Variants in MED4 observed in about 807,000 individuals in gnomAD.
MED4 encodes mediator of RNA polymerase II transcription subunit 4.
In MED4, 21 loss-of-function variants were observed where a neutral mutation model predicts 35.0. The observed-to-expected ratio is 0.60, with a 90% CI of 0.43 to 0.86. The LOEUF is 0.86. Ranked by LOEUF, MED4 falls within the 40% of genes least tolerant of loss-of-function variation. MED4 has a pLI of 0.00. For synonymous variants in MED4, 138 were observed against 114.0 expected (o/e 1.21, Z -1.34); for missense variants, 300 against 319.4 (o/e 0.94, Z 0.46).
chr13:48,081,497 C>T (rs1346064339), intron 5 of MED4, 148 bp downstream of exon 5: 6 of 452,984 alleles, frequency 1.3e-5, no homozygotes, highest in Non-Finnish European at 2.2e-5. Context: ...TGGCCTATAT[C>T]ATTACTTATA....
intron 1 of MED4, among the ~76,000 whole-genome samples, chr13:48,091,733 G>T (rs1209047884): frequency 2.0e-5 from 3 of 152,184 alleles, no homozygotes; most frequent in Admixed American, 2.0e-4. Flanking sequence ...TAATACAAGA[G>T]ACAAGAAGAA....
intron 2 of MED4, among the ~76,000 whole-genome samples, chr13:48,088,247 CA>C: frequency 6.6e-6 from 1 of 152,260 alleles, no homozygotes. Flanking sequence ...AAATATCTAT[CA>C]AAATTCAGAA....
intron 6 of MED4, 147 bp downstream of exon 6, chr13:48,079,697 T>C (rs1037844230): frequency 3.4e-6 from 3 of 893,454 alleles, no homozygotes; most frequent in African/African-American, 3.4e-5. Flanking sequence ...CGCTCCAGCC[T>C]GGGTGACATA....
intron 6 of MED4, among the ~76,000 whole-genome samples, chr13:48,078,304 C>T (rs1950777156): frequency 6.6e-6 from 1 of 152,162 alleles, no homozygotes; most frequent in Admixed American, 6.5e-5. Context: ...TTGCCAGCTG[C>T]CACAATTAAG....
At chr13:48,077,407 T>A (rs894842332) in intron 6 of MED4, 96 bp from the exon 7 acceptor site, 30 of 1,098,462 alleles carry the variant, frequency 2.7e-5, no homozygotes, top group African/African-American at 1.0e-4. Flanking sequence ...GTATTTTTTT[T>A]AATTTTACTT....
chr13:48,088,502 A>G (rs555147054), intron 2 of MED4, among the ~76,000 whole-genome samples: 18 of 152,316 alleles, frequency 1.2e-4, no homozygotes, highest in African/African-American at 4.1e-4. Context: ...TTCCTCCCAC[A>G]TCGTAGGAGA....
Position 48,076,666 on chromosome 13 carries a change from G to C in MED4, c.*473C>G, listed in dbSNP as rs534505202. Reference sequence around the variant, plus strand: ...TTCCCATGCCTCCAACAGAAGCCAAGAGCCTTTACTGTCAAATGGCAGTTT... The same window carrying C: ...TTCCCATGCCTCCAACAGAAGCCAACAGCCTTTACTGTCAAATGGCAGTTT... On this transcript the variant is annotated 3_prime_UTR_variant, in exon 7 of 7. Coordinates refer to ENST00000258648, the MANE Select transcript of MED4 (RefSeq NM_014166.4). The C allele has an allele frequency of 6.6e-6, 1 of 152,380 alleles. No homozygotes were observed. The highest frequency in any genetic ancestry group is 2.4e-5 in the African/African-American group (1 of 41,546). 9.4% of individuals were successfully genotyped at this position (152,380 alleles called of 1,614,324 possible).
chr13:48,078,961 AT>A lies in MED4; in HGVS notation c.640+882del, dbSNP rs1480224422. Among the ~76,000 whole-genome samples, 21 of 152,072 alleles carry A rather than the reference AT, an allele frequency of 1.4e-4. No homozygotes were observed. The South Asian group carries it at 1.4e-3, about 10-fold the overall frequency. On this transcript the variant is annotated intron_variant, in intron 6 of 6. Transcript: ENST00000258648. ...AAAGTGACTGCCTCAGAAAGGGTAT[AT>A]TTTTTTCCTTTTTTAAATGCCTTTT...
chr13:48,089,231 G>A (rs1950873542), intron 2 of MED4, among the ~76,000 whole-genome samples: 1 of 152,014 alleles, frequency 6.6e-6, no homozygotes, highest in East Asian at 1.9e-4. Flanking sequence ...AAGGTTAGCT[G>A]TTTCTCCTAG....
intron 3 of MED4, 48 bp from the exon 4 acceptor site, chr13:48,083,476 C>T: frequency 1.3e-6 from 2 of 1,527,840 alleles, no homozygotes; most frequent in Non-Finnish European, 1.8e-6. Context: ...TCAACTATAT[C>T]AAACTTAGTT....
intron 1 of MED4, 92 bp downstream of exon 1, chr13:48,094,862 A>G: frequency 3.9e-6 from 6 of 1,540,416 alleles, no homozygotes; most frequent in Non-Finnish European, 5.2e-6. Context: ...TCCCCGCCGA[A>G]CCCCGAGAAC....
intron 6 of MED4, among the ~76,000 whole-genome samples, chr13:48,079,392 C>CTATGCTCTA (rs1429403885): frequency 1.3e-5 from 2 of 152,170 alleles, no homozygotes; most frequent in Non-Finnish European, 2.9e-5. Context: ...ATACCTCCCT[C>CTATGCTCTA]AAGGAGAATC....
intron 3 of MED4, among the ~76,000 whole-genome samples, 199 bp downstream of exon 3, chr13:48,086,083 A>C: frequency 6.6e-6 from 1 of 152,198 alleles, no homozygotes; most frequent in South Asian, 2.1e-4. Context: ...CAAGTAATGC[A>C]GACTATTTGA....
At chr13:48,081,823 T>C (rs1950810545) in intron 4 of MED4, 92 bp from the exon 5 acceptor site, 1 of 655,016 alleles carries the variant, frequency 1.5e-6, no homozygotes. Flanking sequence ...GTATTTAATT[T>C]TAAATTATCT....
At chr13:48,080,163 G>A (rs1950794434) in intron 5 of MED4, among the ~76,000 whole-genome samples, 188 bp from the exon 6 acceptor site, 1 of 152,026 alleles carries the variant, frequency 6.6e-6, no homozygotes, top group African/African-American at 2.4e-5. Context: ...TTAGGAGGAC[G>A]AGGTGGGTGG....
intron 1 of MED4, among the ~76,000 whole-genome samples, chr13:48,093,080 C>A (rs1197982578): frequency 1.3e-5 from 2 of 152,208 alleles, no homozygotes; most frequent in African/African-American, 4.8e-5. Flanking sequence ...GGTGCATTCC[C>A]AGCATACTGC....
chr13:48,078,186 A>C (rs1462388275), intron 6 of MED4, among the ~76,000 whole-genome samples: 1 of 152,226 alleles, frequency 6.6e-6, no homozygotes, highest in African/African-American at 2.4e-5. Flanking sequence ...CAAATAAAGA[A>C]GGCAGATTTT....
intron 6 of MED4, among the ~76,000 whole-genome samples, chr13:48,079,062 A>G (rs889135428): frequency 6.6e-6 from 1 of 152,204 alleles, no homozygotes; most frequent in African/African-American, 2.4e-5. Context: ...ATAATATAAA[A>G]CAAATATATA....
chr13:48,083,268 T>C, intron 4 of MED4, 103 bp downstream of exon 4: 1 of 923,868 alleles, frequency 1.1e-6, no homozygotes, highest in Admixed American at 2.7e-5. Flanking sequence ...TTACTGAATC[T>C]TTTCAACAGC....
Sources: allele counts gnomAD v4.1 joint callset (sites outside exome capture counted in the v4.1 genomes callset), GRCh38; gene constraint gnomAD v4.1.1; transcripts MANE v1.5; gene names NCBI Gene and HGNC (gene_info 2026-07-23, HGNC 2026-07-21).